Variants in SHLD2 observed in about 807,000 individuals in gnomAD.
The protein encoded by SHLD2 is shieldin complex subunit 2, also known as RINN1-REV7-interacting novel NHEJ regulator 2.
SHLD2 carries 30 observed loss-of-function variants against 73.2 expected under a neutral mutation model. The ratio of observed to expected loss-of-function variants is 0.41; its 90% CI spans 0.31 to 0.56. SHLD2 has a LOEUF of 0.56. SHLD2 is among the 20% of genes least tolerant of loss of function. The probability of loss-of-function intolerance (pLI) is 0.28; values close to 1 mark genes in which losing one functional copy is unlikely to be tolerated. For missense variants in SHLD2, 745 were observed against 1,055.9 expected, an observed-to-expected ratio of 0.71 and a Z score of 4.08; for synonymous variants, 285 against 370.1, an observed-to-expected ratio of 0.77 and a Z score of 2.64.
At position 87,172,164 on chromosome 10, in the gene SHLD2, C is replaced by G. The variant is rs551892438; in HGVS notation, c.1963+1190C>G. ...TTTGTACATTCATTCATCCAGCCCC[C>G]CTTATTTATAACCATCATTTTAAAG... On this transcript the variant is annotated intron_variant, in intron 6 of 9. Transcript: ENST00000298786. Among the ~76,000 whole-genome samples the G allele has an allele frequency of 5.9e-5, 9 of 152,248 alleles. No homozygotes were observed. In the South Asian group the frequency reaches 1.9e-3, roughly 32 times the overall value.
At chr10:87,109,579 G>A (rs1054048732) in intron 2 of SHLD2, among the ~76,000 whole-genome samples, 2 of 152,148 alleles carry the variant, frequency 1.3e-5, no homozygotes, top group Admixed American at 6.6e-5. Flanking sequence ...GATTACAGGC[G>A]TGAGCCACCT....
intron 8 of SHLD2, among the ~76,000 whole-genome samples, 170 bp downstream of exon 8, chr10:87,180,473 G>A (rs190253259): frequency 2.8e-4 from 43 of 152,276 alleles, no homozygotes; most frequent in African/African-American, 9.9e-4. Context: ...CCCAGGAATC[G>A]TTATAGGAAT....
chr10:87,110,499 C>T (rs1308198710), intron 2 of SHLD2, among the ~76,000 whole-genome samples: 2 of 150,468 alleles, frequency 1.3e-5, no homozygotes, highest in African/African-American at 2.4e-5. Context: ...ACCAGCTACT[C>T]AGGAGGCTGA....
In SHLD2 at chr10:87,127,799, A is replaced by G. The variant is rs572124016; in HGVS notation, c.-5-23551A>G. Among the ~76,000 whole-genome samples the G allele has an allele frequency of 1.1e-4, 17 of 151,792 alleles. No homozygotes were observed. In the South Asian group the frequency reaches 3.3e-3, roughly 30 times the overall value. On this transcript the variant is annotated intron_variant, in intron 2 of 9. Coordinates refer to ENST00000298786, the MANE Select transcript of SHLD2 (RefSeq NM_001330112.2). Reference sequence around the variant, plus strand: ...GCTTTACAACAGTCCTAAGAGAGGAATGCTGTGGTTATTACACCCACTTGA... The same window carrying G: ...GCTTTACAACAGTCCTAAGAGAGGAGTGCTGTGGTTATTACACCCACTTGA...
chr10:87,105,803 A>G (rs1454347642), intron 2 of SHLD2, among the ~76,000 whole-genome samples: 8 of 152,296 alleles, frequency 5.3e-5, no homozygotes, highest in South Asian at 4.1e-4. Flanking sequence ...ATATCCCGGT[A>G]TTAGTGAAGA....
intron 2 of SHLD2, among the ~76,000 whole-genome samples, chr10:87,110,229 C>T (rs1408929173): frequency 1.3e-5 from 2 of 152,090 alleles, no homozygotes; most frequent in Non-Finnish European, 2.9e-5. Context: ...GTTGAGGCTG[C>T]AGTGAGCTAT....
At chr10:87,187,062 G>T in intron 8 of SHLD2, 23 bp from the exon 9 acceptor site, 2 of 1,414,034 alleles carry the variant, frequency 1.4e-6, no homozygotes, top group South Asian at 1.2e-5. Flanking sequence ...TTTGAAGGTC[G>T]TGTGTTGTTT....
At chr10:87,131,947 G>A (rs969468719) in intron 2 of SHLD2, among the ~76,000 whole-genome samples, 17 of 152,168 alleles carry the variant, frequency 1.1e-4, no homozygotes, top group Admixed American at 5.9e-4. Context: ...GTTTTGATTT[G>A]CATTTCCCCA....
chr10:87,188,210 C>G (rs1453014702), intron 9 of SHLD2, among the ~76,000 whole-genome samples: 3 of 152,274 alleles, frequency 2.0e-5, no homozygotes, highest in Non-Finnish European at 4.4e-5. Flanking sequence ...AGCCCTGTCC[C>G]TTATGTGGCA....
rs1273604177 is a variant in SHLD2 at position 87,152,604 on chromosome 10, G to A, written c.1250G>A (p.Arg417Gln). The change falls in exon 3 of 10, where the codon CGG (arginine) becomes CAG (glutamine). Residue 417 changes from arginine to glutamine, a missense_variant. Physicochemically the swap from Arg to Gln is conservative, Grantham distance 43 (BLOSUM62 1). This residue lies in a region of SHLD2 where 418 missense variants were observed against 567.8 expected (regional missense o/e 0.74). Coordinates refer to ENST00000298786, the MANE Select transcript of SHLD2 (RefSeq NM_001330112.2). ...NGGDSAVEMDRRNVSEFKSIK... is the reference protein window; with the variant it reads ...NGGDSAVEMDQRNVSEFKSIK... ...GGAGATTCTGCTGTAGAAATGGATC[G>A]GAGAAATGTGTCTGAATTTAAGAGT... is the stretch of plus-strand genomic sequence containing the variant. 8.1e-6 allele frequency: 13 copies of A among 1,607,312 alleles called. No individual in the cohort carries two copies. Among genetic ancestry groups the A allele is most frequent in the South Asian group, 1.1e-5 (1 of 89,812 alleles).
At chr10:87,160,987 C>CA (rs147632356) in intron 4 of SHLD2, among the ~76,000 whole-genome samples, 24,109 of 112,474 alleles carry the variant, frequency 0.21, 1,991 homozygotes, top group African/African-American at 0.27. Flanking sequence ...ATTCGGTCTC[C>CA]AAAAAAAAAA....
Position 87,190,479 on chromosome 10 carries a change from T to C in SHLD2, c.2516-5T>C. 8 of 1,611,696 alleles carry C rather than the reference T, an allele frequency of 5.0e-6. No individual in the cohort carries two copies. Among genetic ancestry groups the C allele is most frequent in the Non-Finnish European group, 6.8e-6 (8 of 1,179,568 alleles). On this transcript the variant is annotated splice_region_variant and splice_polypyrimidine_tract_variant and intron_variant, in intron 9 of 9. Transcript: ENST00000298786. Reference sequence around the variant, plus strand: ...TTGGGAGCTCTGTGTTTTTGTCTTTTGCAGTTCCTTCCTCAGAGATCACCT... The same window carrying C: ...TTGGGAGCTCTGTGTTTTTGTCTTTCGCAGTTCCTTCCTCAGAGATCACCT...
At chr10:87,140,184 G>A (rs1163344819) in intron 2 of SHLD2, among the ~76,000 whole-genome samples, 6 of 151,994 alleles carry the variant, frequency 3.9e-5, no homozygotes, top group South Asian at 2.1e-4. Flanking sequence ...TTTGGGGGCC[G>A]AGAGGGGTGC....
chr10:87,173,779 T>C (rs1446295096), intron 6 of SHLD2, among the ~76,000 whole-genome samples: 1 of 150,232 alleles, frequency 6.7e-6, no homozygotes, highest in Non-Finnish European at 1.5e-5. Context: ...TGTCAGAAAA[T>C]AATGCAGTAA....
intron 2 of SHLD2, among the ~76,000 whole-genome samples, chr10:87,115,046 A>ATATT (rs545094863): frequency 6.7e-4 from 102 of 151,904 alleles, no homozygotes; most frequent in African/African-American, 1.8e-3. Context: ...GTTATAAGTC[A>ATATT]TATTTATTTA....
intron 8 of SHLD2, among the ~76,000 whole-genome samples, chr10:87,184,428 C>T (rs1315497874): frequency 1.3e-5 from 2 of 151,980 alleles, no homozygotes; most frequent in African/African-American, 4.8e-5. Flanking sequence ...ACCTCAATTA[C>T]TGTGAAACCA....
chr10:87,107,285 G>A (rs546689087), intron 2 of SHLD2, among the ~76,000 whole-genome samples: 4 of 152,088 alleles, frequency 2.6e-5, no homozygotes, highest in South Asian at 4.2e-4. Context: ...GTGGTAGTGC[G>A]CCCTTGTAAT....
intron 3 of SHLD2, among the ~76,000 whole-genome samples, chr10:87,157,124 G>C (rs1846490067): frequency 6.6e-6 from 1 of 152,118 alleles, no homozygotes; most frequent in African/African-American, 2.4e-5. Flanking sequence ...CAAATGAGTT[G>C]GGCGCTATGA....
chr10:87,155,859 TA>T (rs1332633941), intron 3 of SHLD2, among the ~76,000 whole-genome samples: 1 of 152,136 alleles, frequency 6.6e-6, no homozygotes, highest in African/African-American at 2.4e-5. Flanking sequence ...ACATTTTTTT[TA>T]AAAATCAGAT....
Sources: allele counts gnomAD v4.1 joint callset (sites outside exome capture counted in the v4.1 genomes callset), GRCh38; gene constraint gnomAD v4.1.1; regional missense constraint gnomAD v4.1.1; transcripts MANE v1.5; gene names NCBI Gene and HGNC (gene_info 2026-07-23, HGNC 2026-07-21).